KIAA0825: variants seen among roughly 807,000 people sequenced by gnomAD.
The protein encoded by KIAA0825 is uncharacterized protein KIAA0825.
Under a neutral mutation model 147.6 loss-of-function variants are expected in KIAA0825, and 119 were observed. That is an observed-to-expected ratio of 0.81 (90% CI 0.69 to 0.94). The LOEUF (loss-of-function observed/expected upper bound fraction) is 0.94. Among genes scored for constraint, KIAA0825 ranks in the 40% least tolerant of loss-of-function variants. The probability of loss-of-function intolerance (pLI) is 0.00; values close to 1 mark genes in which losing one functional copy is unlikely to be tolerated. For synonymous variants in KIAA0825, 470 were observed against 518.1 expected (o/e 0.91, Z 1.26); for missense variants, 1,381 against 1,472.7 (o/e 0.94, Z 1.02).
chr5:94,181,413 C>T (rs985754228), intron 20 of KIAA0825, among the ~76,000 whole-genome samples: 2 of 152,174 alleles, frequency 1.3e-5, no homozygotes, highest in Non-Finnish European at 2.9e-5. Context: ...TTAATGTGCT[C>T]TTGTTTCCAT....
At chr5:94,343,934 T>C (rs1162511765) in intron 20 of KIAA0825, among the ~76,000 whole-genome samples, 4 of 152,160 alleles carry the variant, frequency 2.6e-5, no homozygotes, top group African/African-American at 7.2e-5. Context: ...ACATCATCAG[T>C]AATTATTAGA....
At chr5:94,299,827 T>A (rs1778306657) in intron 20 of KIAA0825, among the ~76,000 whole-genome samples, 1 of 152,184 alleles carries the variant, frequency 6.6e-6, no homozygotes, top group Non-Finnish European at 1.5e-5. Context: ...CCAATAACTA[T>A]TTCAGTTTGT....
chr5:94,430,411 CT>C (rs1351435744), intron 14 of KIAA0825, among the ~76,000 whole-genome samples: 1 of 151,546 alleles, frequency 6.6e-6, no homozygotes, highest in Non-Finnish European at 1.5e-5. Flanking sequence ...AAAAATCATC[CT>C]CACAAAGTCT....
At chr5:94,549,433 C>T (rs1180387804) in intron 2 of KIAA0825, among the ~76,000 whole-genome samples, 2 of 152,190 alleles carry the variant, frequency 1.3e-5, no homozygotes, top group Admixed American at 1.3e-4. Flanking sequence ...TCTATGGGAG[C>T]TGGCGCGGTG....
At chr5:94,207,625 C>T (rs975777307) in intron 20 of KIAA0825, among the ~76,000 whole-genome samples, 6 of 152,180 alleles carry the variant, frequency 3.9e-5, no homozygotes, top group Non-Finnish European at 7.4e-5. Context: ...TCCGTGGTGT[C>T]TAAACACACA....
intron 20 of KIAA0825, among the ~76,000 whole-genome samples, chr5:94,195,739 T>C (rs1366812656): frequency 1.3e-5 from 2 of 152,136 alleles, no homozygotes; most frequent in Non-Finnish European, 2.9e-5. Flanking sequence ...ACATGTAATA[T>C]AAAGTTGTAT....
intron 20 of KIAA0825, among the ~76,000 whole-genome samples, chr5:94,379,844 C>CTTTTT (rs59886046): frequency 5.4e-5 from 3 of 55,722 alleles, no homozygotes; most frequent in African/African-American, 8.8e-5. Flanking sequence ...GTATTTTATT[C>CTTTTT]TTTTTTTTTT....
intron 20 of KIAA0825, among the ~76,000 whole-genome samples, chr5:94,162,883 A>G (rs528280791): frequency 1.3e-5 from 2 of 152,316 alleles, no homozygotes; most frequent in Admixed American, 6.5e-5. Flanking sequence ...AAGTGTTACT[A>G]TGTTATTCTT....
At chr5:94,176,013 AT>A (rs1349279114) in intron 20 of KIAA0825, among the ~76,000 whole-genome samples, 1 of 152,028 alleles carries the variant, frequency 6.6e-6, no homozygotes, top group African/African-American at 2.4e-5. Context: ...AATTTATTAA[AT>A]TTTTTTATTG....
intron 20 of KIAA0825, among the ~76,000 whole-genome samples, chr5:94,259,417 C>T (rs1776386772): frequency 1.3e-5 from 2 of 152,072 alleles, no homozygotes; most frequent in South Asian, 4.1e-4. Context: ...TTTTAGAATG[C>T]CCTCAGTAAG....
chr5:94,520,948 T>G (rs1171180064), intron 4 of KIAA0825, 31 bp from the exon 5 acceptor site: 7 of 1,450,324 alleles, frequency 4.8e-6, no homozygotes, highest in Non-Finnish European at 5.6e-6. Flanking sequence ...GAAATGTGAT[T>G]AAGTGCAATA....
At chr5:94,371,057 C>T (rs932039605) in intron 20 of KIAA0825, among the ~76,000 whole-genome samples, 1 of 151,702 alleles carries the variant, frequency 6.6e-6, no homozygotes. Flanking sequence ...GGTGGGGGAG[C>T]GGGTGGGATA....
At chr5:94,280,923 A>G (rs141013533) in intron 20 of KIAA0825, among the ~76,000 whole-genome samples, 525 of 152,190 alleles carry the variant, frequency 3.4e-3, no homozygotes, top group Non-Finnish European at 5.5e-3. Context: ...CAAGAAGTAT[A>G]ATTTGGAAAT....
chr5:94,331,540 C>T (rs922081167), intron 20 of KIAA0825, among the ~76,000 whole-genome samples: 7 of 152,014 alleles, frequency 4.6e-5, no homozygotes, highest in African/African-American at 1.7e-4. Flanking sequence ...TGGAAATTAA[C>T]GAAGAAACAA....
chr5:94,204,938 A>C (rs1305432101), intron 20 of KIAA0825, among the ~76,000 whole-genome samples: 1 of 152,158 alleles, frequency 6.6e-6, no homozygotes, highest in African/African-American at 2.4e-5. Flanking sequence ...CCACATAGAT[A>C]ATCAAAGAAA....
At chr5:94,203,146 AT>A (rs1771851390) in intron 20 of KIAA0825, among the ~76,000 whole-genome samples, 4 of 152,228 alleles carry the variant, frequency 2.6e-5, no homozygotes, top group Admixed American at 2.6e-4. Flanking sequence ...AACGTTTGCA[AT>A]AGAGTGCATA....
intron 12 of KIAA0825, among the ~76,000 whole-genome samples, chr5:94,459,526 T>C (rs2150942688): frequency 6.6e-6 from 1 of 152,290 alleles, no homozygotes; most frequent in East Asian, 1.9e-4. Context: ...GGTAAGGCCA[T>C]AACCTCGAAA....
rs1363238869 is a variant in KIAA0825 at position 94,439,964 on chromosome 5, A to G, written c.2497+18T>C. 4 of 1,539,886 alleles carry G rather than the reference A, an allele frequency of 2.6e-6. No individual in the cohort carries two copies. The highest frequency in any genetic ancestry group is 1.4e-5 in the African/African-American group (1 of 72,644). ...GACTAGGTTTTTCGAGGACATTCTT[A>G]TAACTACACATACTCACTTGAGCTC... On this transcript the variant is annotated intron_variant, in intron 14 of 20. Coordinates refer to ENST00000682413, the MANE Select transcript of KIAA0825 (RefSeq NM_001145678.3).
intron 17 of KIAA0825, among the ~76,000 whole-genome samples, chr5:94,394,703 G>A (rs1395560742): frequency 2.0e-5 from 3 of 151,952 alleles, no homozygotes; most frequent in Non-Finnish European, 2.9e-5. Flanking sequence ...TTGTTTTTCC[G>A]CTCCCCTTTA....
Sources: allele counts gnomAD v4.1 joint callset (sites outside exome capture counted in the v4.1 genomes callset), GRCh38; gene constraint gnomAD v4.1.1; transcripts MANE v1.5; gene names NCBI Gene and HGNC (gene_info 2026-07-23, HGNC 2026-07-21).